The following TMPRSS2 variants were observed in gnomAD, a reference collection of about 807,000 sequenced individuals.
TMPRSS2 encodes the protein transmembrane protease serine 2.
TMPRSS2 carries 59 observed loss-of-function variants against 67.4 expected under a neutral mutation model. The ratio of observed to expected loss-of-function variants is 0.88; its 90% CI spans 0.71 to 1.09. The LOEUF (loss-of-function observed/expected upper bound fraction) is 1.09. TMPRSS2 is among the 50% of genes least tolerant of loss of function. The pLI is 0.00. For missense variants in TMPRSS2, 668 were observed against 642.7 expected (o/e 1.04, Z -0.43); for synonymous variants, 257 against 257.0 (o/e 1.00, Z 0.00).
chr21:41,502,333 A>G, intron 1 of TMPRSS2: 1 of 972,534 alleles, frequency 1.0e-6, no homozygotes, highest in Non-Finnish European at 1.2e-6. Context: ...ACTCCCACCC[A>G]AGATCCAGGG....
chr21:41,494,355 C>CT lies in TMPRSS2; in HGVS notation c.238dup (p.Thr81AspfsTer2), dbSNP rs1295241649. 6.2e-7 allele frequency: 1 copy of CT among 1,611,488 alleles called. No homozygotes were observed. The highest frequency in any genetic ancestry group is 8.5e-7 in the Non-Finnish European group (1 of 1,179,456). On this transcript the variant is annotated frameshift_variant and splice_region_variant. Transcript: ENST00000332149. LOFTEE classifies it high-confidence loss of function. ...GGAAATAAACACAAAGAGAATCCTA[C>CT]TTGAGGTGCACACTGTCCCGGATGG...
intron 13 of TMPRSS2, among the ~76,000 whole-genome samples, 153 bp downstream of exon 13, chr21:41,467,581 G>T (rs1186401308): frequency 6.6e-6 from 1 of 152,164 alleles, no homozygotes; most frequent in African/African-American, 2.4e-5. Flanking sequence ...GTGGACACTG[G>T]GGGGATGGGG....
chr21:41,476,152 G>A (rs1247342999), intron 8 of TMPRSS2, among the ~76,000 whole-genome samples: 2 of 152,184 alleles, frequency 1.3e-5, no homozygotes, highest in Non-Finnish European at 2.9e-5. Flanking sequence ...CCCTCCTCCC[G>A]GGTCCCACTG....
Position 41,467,851 on chromosome 21 carries a change from G to A in TMPRSS2, c.1350C>T (p.Asn450=). 1.2e-6 allele frequency: 2 copies of A among 1,614,232 alleles called. No individual in the cohort carries two copies. Among genetic ancestry groups the A allele is most frequent in the Non-Finnish European group, 1.7e-6 (2 of 1,180,040 alleles). ...DSGGPLVTSK[N]NIWWLIGDTS... is the part of the protein sequence containing the mutation. ...TATCCCCTATCAGCCACCAGATATTGTTCTTCGAAGTGACCAGAGGCCCTC... is the reference window on the plus strand; with the variant it reads ...TATCCCCTATCAGCCACCAGATATTATTCTTCGAAGTGACCAGAGGCCCTC... The change falls in exon 13 of 14, where the codon AAC becomes AAT. Residue 450 remains asparagine (N), a synonymous_variant. Transcript: ENST00000332149.
At position 41,471,822 on chromosome 21, in the gene TMPRSS2, C is replaced by T; in HGVS notation, c.1059G>A (p.Lys353=). The T allele has an allele frequency of 1.2e-6, 2 of 1,606,340 alleles. No homozygotes were observed. Among genetic ancestry groups the T allele is most frequent in the Non-Finnish European group, 1.7e-6 (2 of 1,174,572 alleles). ...NNDIALMKLQ[K]PLTFNDLVKP... is the part of the protein sequence containing the mutation. ...CACACGTACCGTTGAAAGTCAGAGG[C>T]TTCTGCAGCTTCATCAGCGCAATGT... The change falls in exon 10 of 14, where the codon AAG becomes AAA. Residue 353 remains lysine (K), a synonymous_variant. Coordinates refer to ENST00000332149, the MANE Select transcript of TMPRSS2 (RefSeq NM_005656.4).
At chr21:41,483,766 C>CTTT (rs35641122) in intron 5 of TMPRSS2, among the ~76,000 whole-genome samples, 2,253 of 140,952 alleles carry the variant, frequency 0.016, 71 homozygotes, top group African/African-American at 0.054. Context: ...CAAGCTAGTC[C>CTTT]TTTTTTTTTT....
chr21:41,485,356 AG>A (rs1488000419), intron 5 of TMPRSS2, among the ~76,000 whole-genome samples: 2 of 152,090 alleles, frequency 1.3e-5, no homozygotes, highest in African/African-American at 4.8e-5. Flanking sequence ...GAACATCAAA[AG>A]CCATTCCAGG....
intron 12 of TMPRSS2, 79 bp from the exon 13 acceptor site, chr21:41,467,965 T>C (rs1006413970): frequency 6.4e-7 from 1 of 1,551,706 alleles, no homozygotes; most frequent in East Asian, 2.3e-5. Context: ...CCTAGAGGAG[T>C]TGGGGGGCGG....
Position 41,479,177 on chromosome 21 carries a change from G to A in TMPRSS2, c.678C>T (p.Tyr226=). 2 of 1,613,026 alleles carry A rather than the reference G, an allele frequency of 1.2e-6. No homozygotes were observed. The highest frequency in any genetic ancestry group is 1.7e-4 in the Middle Eastern group (1 of 6,060). ...AGNVDIYKKL[Y]HSDACSSKAV... ...AAGAAGAAATTGCTGCATACCTGTGGTACAGTTTTTTATAGATATCGACAT... is the reference window on the plus strand; with the variant it reads ...AAGAAGAAATTGCTGCATACCTGTGATACAGTTTTTTATAGATATCGACAT... The change falls in exon 7 of 14, where the codon TAC becomes TAT. Residue 226 remains tyrosine, a synonymous_variant. Coordinates refer to ENST00000332149, the MANE Select transcript of TMPRSS2 (RefSeq NM_005656.4).
Position 41,468,693 on chromosome 21 carries a change from C to T in TMPRSS2, c.1172-155G>A, listed in dbSNP as rs1051996176. On this transcript the variant is annotated intron_variant, in intron 11 of 13. Transcript: ENST00000332149. ...GGTCAGCTCATCCCAGCACCAACCCCTCTCCTGGGAAACCTGGATTCTCCT... is the reference window on the plus strand; with the variant it reads ...GGTCAGCTCATCCCAGCACCAACCCTTCTCCTGGGAAACCTGGATTCTCCT... 5 of 766,020 alleles carry T rather than the reference C, an allele frequency of 6.5e-6. No homozygotes were observed. In the Admixed American group the frequency reaches 8.6e-5, roughly 13 times the overall value. The allele number at this position is 766,020 out of a possible 1,614,324, so 47.5% of individuals were successfully genotyped here. A position where few individuals can be genotyped will look rare whatever the true frequency, so the allele number is the denominator to read the frequency against.
intron 8 of TMPRSS2, 102 bp from the exon 9 acceptor site, chr21:41,473,598 G>A: frequency 7.6e-7 from 1 of 1,308,912 alleles, no homozygotes; most frequent in Non-Finnish European, 1.1e-6. Context: ...GCAAGGACAG[G>A]GCAGGGGCAC....
chr21:41,495,490 T>C (rs895318944), intron 2 of TMPRSS2, among the ~76,000 whole-genome samples: 1 of 151,786 alleles, frequency 6.6e-6, no homozygotes, highest in Non-Finnish European at 1.5e-5. Flanking sequence ...CCGGATATGG[T>C]GGTGCACGCC....
At chr21:41,492,227 C>A (rs983088337) in intron 3 of TMPRSS2, among the ~76,000 whole-genome samples, 7 of 148,756 alleles carry the variant, frequency 4.7e-5, no homozygotes, top group African/African-American at 1.7e-4. Flanking sequence ...ACAAAAAAAA[C>A]CCACGCACAC....
In TMPRSS2 at chr21:41,467,782, C is replaced by T. The variant is rs889054427; in HGVS notation, c.1419G>A (p.Val473=). 2 of 1,614,126 alleles carry T rather than the reference C, an allele frequency of 1.2e-6. No homozygotes were observed. Among genetic ancestry groups the T allele is most frequent in the African/African-American group, 1.3e-5 (1 of 74,946 alleles). Reference sequence around the variant, plus strand: ...CCGTGAATACCATCACATTCCCGTACACTCCTGGTCTGTAAGCTTTGGCAC... The same window carrying T: ...CCGTGAATACCATCACATTCCCGTATACTCCTGGTCTGTAAGCTTTGGCAC... ...SGCAKAYRPG[V]YGNVMVFTDW... Residue 473 remains valine (V), a synonymous_variant, in exon 13 of 14, where the codon GTG becomes GTA. Coordinates refer to ENST00000332149, the MANE Select transcript of TMPRSS2 (RefSeq NM_005656.4).
chr21:41,482,729 C>A (rs970901923), intron 5 of TMPRSS2, among the ~76,000 whole-genome samples: 3 of 152,130 alleles, frequency 2.0e-5, no homozygotes, highest in Non-Finnish European at 4.4e-5. Flanking sequence ...TGTGCTACAT[C>A]TGGACAACGG....
At chr21:41,503,725 G>T (rs74749793) in intron 1 of TMPRSS2, among the ~76,000 whole-genome samples, 15,162 of 152,210 alleles carry the variant, frequency 0.1, 913 homozygotes, top group East Asian at 0.27. Flanking sequence ...TATGTTTCAA[G>T]ACTGGAGGAT....
intron 2 of TMPRSS2, among the ~76,000 whole-genome samples, chr21:41,495,147 A>T (rs893817863): frequency 2.6e-5 from 4 of 152,142 alleles, no homozygotes; most frequent in African/African-American, 9.6e-5. Flanking sequence ...CAAACATTGA[A>T]CTTATTTAGA....
At chr21:41,487,594 T>G (rs2146465376) in intron 5 of TMPRSS2, 1 of 152,362 alleles carries the variant, frequency 6.6e-6, no homozygotes, top group South Asian at 2.1e-4. Context: ...CTAGCTTGAC[T>G]TAGCCATGCC....
Position 41,494,449 on chromosome 21 carries a change from C to A in TMPRSS2, c.145G>T (p.Val49Leu), listed in dbSNP as rs777667088. The A allele has an allele frequency of 1.2e-6, 2 of 1,613,508 alleles. No homozygotes were observed. The highest frequency in any genetic ancestry group is 1.1e-5 in the South Asian group (1 of 90,988). ...VHPAQYYPSPVPQYAPRVLTQ... is the reference protein window; with the variant it reads ...VHPAQYYPSPLPQYAPRVLTQ... ...AGGACCCTCGGGGCGTACTGGGGCA[C>A]GGGGGACGGGTAGTACTGAGCCGGA... Residue 49 changes from valine (V) to leucine (L), a missense_variant, in exon 3 of 14, where the codon GTG becomes TTG. Coordinates refer to ENST00000332149, the MANE Select transcript of TMPRSS2 (RefSeq NM_005656.4).
Sources: allele counts gnomAD v4.1 joint callset (sites outside exome capture counted in the v4.1 genomes callset), GRCh38; gene constraint gnomAD v4.1.1; transcripts MANE v1.5; gene names NCBI Gene and HGNC (gene_info 2026-07-23, HGNC 2026-07-21).